PHKB: variants seen among roughly 807,000 people sequenced by gnomAD.
PHKB encodes phosphorylase b kinase regulatory subunit beta.
PHKB carries 122 observed loss-of-function variants against 152.1 expected under a neutral mutation model. The ratio of observed to expected loss-of-function variants is 0.80; its 90% CI spans 0.69 to 0.93. The LOEUF (loss-of-function observed/expected upper bound fraction) is 0.93, where lower values mean the gene tolerates loss of function less well. PHKB is among the 40% of genes least tolerant of loss of function. The pLI, the probability that PHKB is intolerant of heterozygous loss-of-function variation, is 0.00. For missense variants in PHKB, 1,304 were observed against 1,328.4 expected, an observed-to-expected ratio of 0.98 and a Z score of 0.29; for synonymous variants, 436 against 464.9, an observed-to-expected ratio of 0.94 and a Z score of 0.80.
At chr16:47,563,017 T>C (rs1597088002) in intron 7 of PHKB, among the ~76,000 whole-genome samples, 1 of 152,230 alleles carries the variant, frequency 6.6e-6, no homozygotes, top group East Asian at 1.9e-4. Context: ...TCCATTCAAG[T>C]TTTATCTTGA....
At chr16:47,687,430 A>G (rs1973984188) in intron 26 of PHKB, among the ~76,000 whole-genome samples, 1 of 152,212 alleles carries the variant, frequency 6.6e-6, no homozygotes, top group South Asian at 2.1e-4. Flanking sequence ...CGATGTAAAG[A>G]AAGCCTAGTC....
chr16:47,641,105 T>C lies in PHKB; in HGVS notation c.1514+15T>C. On this transcript the variant is annotated intron_variant, in intron 15 of 30. Coordinates refer to ENST00000323584, the MANE Select transcript of PHKB (RefSeq NM_000293.3). ...GAAAGCCAAAGGTATGAAATCCAAG[T>C]GGGTGGTGTGTTTTTTTGTGGGGAG... 2.5e-6 allele frequency: 4 copies of C among 1,609,014 alleles called. No individual in the cohort carries two copies. The highest frequency in any genetic ancestry group is 3.4e-6 in the Non-Finnish European group (4 of 1,175,558).
chr16:47,618,167 T>G (rs1362101750), intron 14 of PHKB, among the ~76,000 whole-genome samples: 1 of 152,268 alleles, frequency 6.6e-6, no homozygotes, highest in Non-Finnish European at 1.5e-5. Context: ...TATGCAAGTT[T>G]TCTCTGCTCT....
In PHKB at chr16:47,611,131, T is replaced by G. The variant is rs541171799; in HGVS notation, c.1458+211T>G. Among the ~76,000 whole-genome samples, 14 of 152,312 alleles carry G rather than the reference T, an allele frequency of 9.2e-5. No individual in the cohort carries two copies. The East Asian group carries it at 2.7e-3, about 29-fold the overall frequency. On this transcript the variant is annotated intron_variant, in intron 14 of 30. Coordinates refer to ENST00000323584, the MANE Select transcript of PHKB (RefSeq NM_000293.3). ...TGGGTCCAACAAAGTGCCTTGCAGG[T>G]AAACATTTCCATCTTCAGAATGTTG...
chr16:47,524,098 CTCGGA>C, intron 6 of PHKB, among the ~76,000 whole-genome samples: 2 of 152,258 alleles, frequency 1.3e-5, no homozygotes, highest in South Asian at 4.2e-4. Flanking sequence ...TGATTTAATG[CTCGGA>C]TCGTTGTATG....
At chr16:47,548,551 G>A (rs543269670) in intron 7 of PHKB, among the ~76,000 whole-genome samples, 15 of 149,450 alleles carry the variant, frequency 1.0e-4, no homozygotes, top group Non-Finnish European at 1.9e-4. Flanking sequence ...AGGTTGCAGT[G>A]AACCAAGATT....
chr16:47,500,979 G>A (rs768421539), intron 3 of PHKB, among the ~76,000 whole-genome samples: 19 of 152,176 alleles, frequency 1.2e-4, no homozygotes, highest in South Asian at 2.1e-4. Flanking sequence ...GAGATAAGAT[G>A]CAGTAGTCTT....
At chr16:47,571,840 G>A (rs1971664508) in intron 7 of PHKB, among the ~76,000 whole-genome samples, 1 of 152,202 alleles carries the variant, frequency 6.6e-6, no homozygotes, top group South Asian at 2.1e-4. Context: ...CCCATAGGCA[G>A]GAAGTTGTGG....
intron 4 of PHKB, among the ~76,000 whole-genome samples, chr16:47,506,571 T>A (rs1970423486): frequency 1.3e-5 from 2 of 152,376 alleles, no homozygotes; most frequent in South Asian, 2.1e-4. Context: ...TATCATTTCA[T>A]GAATGCATAA....
At chr16:47,568,744 A>AT (rs1325335066) in intron 7 of PHKB, among the ~76,000 whole-genome samples, 4 of 152,148 alleles carry the variant, frequency 2.6e-5, no homozygotes, top group Non-Finnish European at 4.4e-5. Flanking sequence ...TCATTTCAAA[A>AT]TTTTTTAAAA....
chr16:47,641,014 C>T, intron 14 of PHKB, 21 bp from the exon 15 acceptor site: 1 of 1,607,666 alleles, frequency 6.2e-7, no homozygotes, highest in Non-Finnish European at 8.5e-7. Context: ...TGTTTTCCCC[C>T]TCCCTTATTC....
chr16:47,584,981 A>G (rs1401592623), intron 8 of PHKB, among the ~76,000 whole-genome samples: 1 of 152,232 alleles, frequency 6.6e-6, no homozygotes, highest in Non-Finnish European at 1.5e-5. Flanking sequence ...GACTGTCTCA[A>G]AAGTGGTTGT....
chr16:47,561,232 TA>T (rs1011904634), intron 7 of PHKB: 2 of 152,208 alleles, frequency 1.3e-5, no homozygotes, highest in African/African-American at 2.4e-5. Context: ...TTCAGTAACT[TA>T]AAAAACAGTG....
chr16:47,464,456 A>T (rs1461559223), intron 1 of PHKB, among the ~76,000 whole-genome samples: 2 of 152,186 alleles, frequency 1.3e-5, no homozygotes, highest in African/African-American at 4.8e-5. Context: ...GAATATTTTG[A>T]GGCCATGTGC....
Position 47,565,600 on chromosome 16 carries a change from G to A in PHKB, c.711-14695G>A, listed in dbSNP as rs75303362. 50 of 1,054,506 alleles carry A rather than the reference G, an allele frequency of 4.7e-5. No individual in the cohort carries two copies. The Middle Eastern group carries it at 9.0e-4, about 19-fold the overall frequency. 65.3% of individuals were successfully genotyped at this position (1,054,506 alleles called of 1,614,324 possible). ...TTCTAAAGACTTCTCACTCTCCCTC[G>A]TGCATTTCTGCCGGATGTGGCAGAG... On this transcript the variant is annotated intron_variant, in intron 7 of 30. Coordinates refer to ENST00000323584, the MANE Select transcript of PHKB (RefSeq NM_000293.3).
intron 6 of PHKB, among the ~76,000 whole-genome samples, chr16:47,542,981 A>G (rs899843056): frequency 2.6e-5 from 4 of 152,152 alleles, no homozygotes; most frequent in African/African-American, 9.7e-5. Flanking sequence ...TCCTAATTGT[A>G]TATCCTTTAT....
chr16:47,552,450 TTTTATTTCTCC>T, intron 7 of PHKB, among the ~76,000 whole-genome samples: 1 of 152,310 alleles, frequency 6.6e-6, no homozygotes, highest in East Asian at 1.9e-4. Flanking sequence ...CTGTAAAGGA[TTTTATTTCTCC>T]TTTGCTTATG....
chr16:47,554,531 T>C (rs1433026757), intron 7 of PHKB, among the ~76,000 whole-genome samples: 1 of 152,108 alleles, frequency 6.6e-6, no homozygotes, highest in Non-Finnish European at 1.5e-5. Context: ...TGAACGGTTC[T>C]GTCTCCGCGG....
At chr16:47,597,171 A>G (rs934312591) in intron 13 of PHKB, among the ~76,000 whole-genome samples, 2 of 152,176 alleles carry the variant, frequency 1.3e-5, no homozygotes, top group Non-Finnish European at 2.9e-5. Context: ...CAAAAAGGCT[A>G]TCACTTTAGA....
Sources: gnomAD v4.1 joint callset for allele counts (sites outside exome capture counted in the v4.1 genomes callset) on GRCh38, gnomAD v4.1.1 for gene constraint, MANE v1.5 for transcripts, NCBI Gene and HGNC (gene_info 2026-07-23, HGNC 2026-07-21) for gene names.